Variants in CREB5 observed in about 807,000 individuals in gnomAD.
CREB5 encodes the protein cAMP responsive element binding protein 5.
Under a neutral mutation model 57.1 loss-of-function variants are expected in CREB5, and 19 were observed. The observed-to-expected ratio is 0.33, with a 90% CI of 0.23 to 0.49. The LOEUF (loss-of-function observed/expected upper bound fraction) is 0.49. CREB5 is among the 20% of genes least tolerant of loss of function. The pLI is 0.99. For missense variants in CREB5, 579 were observed against 671.6 expected, an observed-to-expected ratio of 0.86 and a Z score of 1.52; for synonymous variants, 238 against 238.3, an observed-to-expected ratio of 1.00 and a Z score of 0.01.
chr7:28,742,381 A>G (rs1804412740), intron 7 of CREB5, among the ~76,000 whole-genome samples: 1 of 152,016 alleles, frequency 6.6e-6, no homozygotes, highest in African/African-American at 2.4e-5. Context: ...CCTGGCTAAC[A>G]TGGTGAAACC....
rs73090550 is a variant in CREB5, at chr7:28,417,747, G to A, written c.3+4830G>A. 9.9e-3 allele frequency among the ~76,000 whole-genome samples: 1,501 copies of A among 152,292 alleles called. 15 individuals carry two copies. The highest frequency in any genetic ancestry group is 0.017 in the Non-Finnish European group (1,129 of 68,018). On this transcript the variant is annotated intron_variant, in intron 1 of 10. Coordinates refer to ENST00000357727, the MANE Select transcript of CREB5 (RefSeq NM_182898.4). ...ATTTCAGGAAAGGGATTGCAGTAAA[G>A]CGTTCATTCAGAGTTCAAGGGCAGC...
intron 5 of CREB5, among the ~76,000 whole-genome samples, chr7:28,668,564 T>G (rs1799916072): frequency 6.6e-6 from 1 of 151,930 alleles, no homozygotes; most frequent in African/African-American, 2.4e-5. Context: ...AAATACTGAT[T>G]TAATCTTTAA....
intron 4 of CREB5, among the ~76,000 whole-genome samples, chr7:28,555,589 C>A (rs139643157): frequency 1.3e-5 from 2 of 152,188 alleles, no homozygotes; most frequent in African/African-American, 4.8e-5. Flanking sequence ...TATTTCTTTA[C>A]ATATAGGGCT....
intron 1 of CREB5, among the ~76,000 whole-genome samples, chr7:28,378,852 A>G (rs765183354): frequency 9.2e-5 from 14 of 152,194 alleles, no homozygotes; most frequent in Non-Finnish European, 1.5e-4. Flanking sequence ...TGTCCAGCGG[A>G]TGTCAAATTC....
chr7:28,584,908 T>C (rs1328968608), intron 5 of CREB5, among the ~76,000 whole-genome samples: 23 of 152,168 alleles, frequency 1.5e-4, no homozygotes, highest in Admixed American at 1.5e-3. Flanking sequence ...ACAGCTATCT[T>C]GCTGTTGGGA....
chr7:28,686,096 C>T, intron 5 of CREB5: 1 of 1,604,490 alleles, frequency 6.2e-7, no homozygotes, highest in Non-Finnish European at 8.5e-7. Context: ...ATATGACTCA[C>T]TCAAGCTAGT....
chr7:28,410,617 T>G (rs1787742835), upstream of CREB5: 1 of 450,048 alleles, frequency 2.2e-6, no homozygotes, highest in Non-Finnish European at 4.5e-6. Flanking sequence ...CGCCCCCACT[T>G]GATGCTTGCT....
chr7:28,511,456 A>C lies in CREB5; in HGVS notation c.291+3719A>C, dbSNP rs368031525. ...GGCCTTGTAAAGGGGCTTTGGCTTC[A>C]ACTGAGTGAGATGGGAAACTATAGG... is the stretch of plus-strand genomic sequence containing the variant. On this transcript the variant is annotated intron_variant, in intron 4 of 10. Transcript: ENST00000357727. Among the ~76,000 whole-genome samples the C allele has an allele frequency of 1.1e-4, 17 of 152,252 alleles. No individual in the cohort carries two copies. In the East Asian group the frequency reaches 1.2e-3, roughly 10 times the overall value.
chr7:28,387,371 G>A (rs1787128754), intron 1 of CREB5, among the ~76,000 whole-genome samples: 1 of 151,936 alleles, frequency 6.6e-6, no homozygotes, highest in Non-Finnish European at 1.5e-5. Flanking sequence ...TTGAATGTAT[G>A]TCTTTTGAGA....
intron 5 of CREB5, among the ~76,000 whole-genome samples, chr7:28,682,865 T>G (rs1800672593): frequency 6.6e-6 from 1 of 152,214 alleles, no homozygotes; most frequent in Admixed American, 6.5e-5. Context: ...TTGGGTTATT[T>G]GGAAAGAGTC....
chr7:28,492,156 C>T (rs1196742603), intron 2 of CREB5, among the ~76,000 whole-genome samples: 2 of 152,156 alleles, frequency 1.3e-5, no homozygotes, highest in African/African-American at 4.8e-5. Context: ...CTTGCCACCA[C>T]GCCTGGCTAA....
intron 1 of CREB5, among the ~76,000 whole-genome samples, chr7:28,321,966 A>G (rs1785502253): frequency 1.3e-5 from 2 of 152,222 alleles, no homozygotes; most frequent in Admixed American, 6.5e-5. Context: ...CTTTGGCTTA[A>G]GATGTAGAAA....
chr7:28,665,471 A>G (rs917041746), intron 5 of CREB5, among the ~76,000 whole-genome samples: 9 of 152,154 alleles, frequency 5.9e-5, no homozygotes. Flanking sequence ...TGAGCTGGTT[A>G]TTTTTTATGT....
At chr7:28,737,568 TATATATATA>T (rs1562606653) in intron 7 of CREB5, among the ~76,000 whole-genome samples, 15 of 56,982 alleles carry the variant, frequency 2.6e-4, no homozygotes, top group Non-Finnish European at 4.1e-4. Flanking sequence ...TATATATATA[TATATATATA>T]TATATATATA....
intron 4 of CREB5, among the ~76,000 whole-genome samples, chr7:28,532,224 G>A (rs1231295803): frequency 6.6e-6 from 1 of 152,134 alleles, no homozygotes; most frequent in East Asian, 1.9e-4. Flanking sequence ...CTATAGGAGA[G>A]ACTCATCTTG....
chr7:28,531,081 C>T (rs1217804709), intron 4 of CREB5, among the ~76,000 whole-genome samples: 3 of 151,914 alleles, frequency 2.0e-5, no homozygotes, highest in South Asian at 2.1e-4. Context: ...GGAAGAGGCA[C>T]AATATAATGT....
At chr7:28,386,675 C>G (rs1787110962) in intron 1 of CREB5, among the ~76,000 whole-genome samples, 1 of 152,186 alleles carries the variant, frequency 6.6e-6, no homozygotes, top group Non-Finnish European at 1.5e-5. Context: ...CTCCATTTCT[C>G]TTAAGTATTC....
chr7:28,785,348 G>T (rs1807259900), intron 7 of CREB5, among the ~76,000 whole-genome samples: 1 of 152,168 alleles, frequency 6.6e-6, no homozygotes, highest in Non-Finnish European at 1.5e-5. Flanking sequence ...GCCCAGAACT[G>T]GCAAGAGATG....
intron 5 of CREB5, among the ~76,000 whole-genome samples, chr7:28,670,008 C>T (rs1282511903): frequency 1.3e-5 from 2 of 152,194 alleles, no homozygotes; most frequent in Non-Finnish European, 2.9e-5. Context: ...TGTTCTCTGC[C>T]ACATGCGAGA....
Sources: gnomAD v4.1 joint callset for allele counts (sites outside exome capture counted in the v4.1 genomes callset) on GRCh38, gnomAD v4.1.1 for gene constraint, MANE v1.5 for transcripts, NCBI Gene and HGNC (gene_info 2026-07-23, HGNC 2026-07-21) for gene names.